Variants in TENM1 observed in about 807,000 individuals in gnomAD.
TENM1 encodes teneurin-1.
In TENM1, 35 loss-of-function variants were observed where a neutral mutation model predicts 174.8. The ratio of observed to expected loss-of-function variants is 0.20; its 90% CI spans 0.15 to 0.27. The LOEUF is 0.27. Ranked by LOEUF, TENM1 falls within the 10% of genes least tolerant of loss-of-function variation. TENM1 has a pLI of 1.00. For synonymous variants in TENM1, 781 were observed against 798.7 expected (o/e 0.98, Z 0.37); for missense variants, 1,633 against 2,130.1 (o/e 0.77, Z 4.59).
intron 18 of TENM1, among the ~76,000 whole-genome samples, chrX:124,511,316 T>C (rs1365125127): frequency 1.8e-5 from 2 of 112,113 alleles, no homozygotes; most frequent in African/African-American, 6.5e-5. Context: ...GCCTATGAAG[T>C]TGAATGGATA....
At position 124,817,475 on chromosome X, in the gene TENM1, A is replaced by G. The variant is rs150598595; in HGVS notation, c.535+76821T>C. On this transcript the variant is annotated intron_variant, in intron 3 of 31. Transcript: ENST00000422452. ...TATTTTTAAGTTGCCTTCAGACCCT[A>G]TATCCTGGGATTCTCACAGTAGTGG... Among the ~76,000 whole-genome samples, 112 of 112,037 alleles carry G rather than the reference A, an allele frequency of 1.0e-3. 1 individual carries two copies. Among genetic ancestry groups the G allele is most frequent in the African/African-American group, 3.5e-3 (107 of 30,904 alleles).
At chrX:124,535,338 A>G (rs1329743896) in intron 15 of TENM1, among the ~76,000 whole-genome samples, 1 of 111,559 alleles carries the variant, frequency 9.0e-6, no homozygotes, top group Non-Finnish European at 1.9e-5. Context: ...AACCATAAAA[A>G]GGCAGGCAAA....
intron 3 of TENM1, among the ~76,000 whole-genome samples, chrX:124,748,109 G>A (rs1170988054): frequency 9.0e-6 from 1 of 110,901 alleles, no homozygotes; most frequent in Non-Finnish European, 1.9e-5. Context: ...ATCAGCATTT[G>A]GAAACTGCTT....
At chrX:124,694,773 C>T (rs1201083971) in intron 5 of TENM1, among the ~76,000 whole-genome samples, 2 of 111,547 alleles carry the variant, frequency 1.8e-5, no homozygotes, top group African/African-American at 3.3e-5. Context: ...TGGTTAGGGC[C>T]ATGATTTGTA....
chrX:124,888,123 T>G (rs2057418518), intron 3 of TENM1, among the ~76,000 whole-genome samples: 1 of 111,626 alleles, frequency 9.0e-6, no homozygotes, highest in South Asian at 3.8e-4. Context: ...CTCCAGCGGT[T>G]TCCTTGAATG....
chrX:125,076,343 C>T, the TENM1 span, among the ~76,000 whole-genome samples: 1 of 94,542 alleles, frequency 1.1e-5, no homozygotes, highest in Admixed American at 1.2e-4. Flanking sequence ...GTATTGTCTT[C>T]CCAAACTGAT....
chrX:124,842,537 CG>C (rs2056523329), intron 3 of TENM1, among the ~76,000 whole-genome samples: 1 of 111,274 alleles, frequency 9.0e-6, no homozygotes, highest in African/African-American at 3.3e-5. Flanking sequence ...ACTTTCTCAC[CG>C]TTTTTGAGGC....
intron 18 of TENM1, among the ~76,000 whole-genome samples, chrX:124,510,775 T>TACACAC (rs755205162): frequency 1.4e-4 from 14 of 103,539 alleles, no homozygotes; most frequent in African/African-American, 5.0e-4. Flanking sequence ...CATGGGGAGA[T>TACACAC]ACACACACAC....
chrX:124,603,055 T>C (rs185706572), intron 11 of TENM1, among the ~76,000 whole-genome samples: 2 of 108,589 alleles, frequency 1.8e-5, no homozygotes, highest in Admixed American at 9.9e-5. Context: ...ACTGGAGTTA[T>C]GTAGTCACAC....
At chrX:124,745,093 C>T (rs1344303413) in intron 3 of TENM1, among the ~76,000 whole-genome samples, 2 of 111,894 alleles carry the variant, frequency 1.8e-5, no homozygotes, top group African/African-American at 6.5e-5. Flanking sequence ...AGGGAAGCCT[C>T]GGAAAGGTTT....
At chrX:124,866,039 T>C (rs2056998655) in intron 3 of TENM1, among the ~76,000 whole-genome samples, 1 of 111,448 alleles carries the variant, frequency 9.0e-6, no homozygotes, top group South Asian at 3.8e-4. Context: ...AAGAGAGAGA[T>C]AGGCCCCAAT....
chrX:124,412,177 T>C (rs1429704807), intron 25 of TENM1: 2 of 112,761 alleles, frequency 1.8e-5, no homozygotes, highest in East Asian at 5.6e-4. Flanking sequence ...TACCAGACAG[T>C]TAAGTAATGA....
chrX:124,567,115 T>C (rs1234567122), intron 11 of TENM1, among the ~76,000 whole-genome samples: 2 of 111,354 alleles, frequency 1.8e-5, no homozygotes, highest in Non-Finnish European at 3.8e-5. Context: ...AAGGGAAAAA[T>C]AAGGGTGGAA....
At chrX:125,050,736 C>A in the TENM1 span, among the ~76,000 whole-genome samples, 2 of 111,429 alleles carry the variant, frequency 1.8e-5, no homozygotes, top group Non-Finnish European at 3.8e-5. Flanking sequence ...GGAATCACCA[C>A]AGTGACTTCC....
intron 27 of TENM1, among the ~76,000 whole-genome samples, chrX:124,396,313 T>TTC (rs1188583766): frequency 3.0e-4 from 29 of 97,165 alleles, no homozygotes; most frequent in African/African-American, 1.1e-3. Flanking sequence ...CCTTTTTTTT[T>TTC]TTTTTCGAGC....
chrX:124,451,325 A>C (rs1049655089), intron 23 of TENM1, among the ~76,000 whole-genome samples: 2 of 111,612 alleles, frequency 1.8e-5, no homozygotes, highest in African/African-American at 6.5e-5. Context: ...TAACAGTAAA[A>C]TAGATCTCAG....
At chrX:124,477,322 A>C (rs1445282442) in intron 22 of TENM1, among the ~76,000 whole-genome samples, 1 of 112,499 alleles carries the variant, frequency 8.9e-6, no homozygotes, top group Non-Finnish European at 1.9e-5. Context: ...GGTCAGAAAA[A>C]TCTGAGAAAT....
chrX:125,187,266 A>G, the TENM1 span, among the ~76,000 whole-genome samples: 2 of 112,407 alleles, frequency 1.8e-5, no homozygotes, highest in East Asian at 5.6e-4. Context: ...TCTCAAAAAC[A>G]AAAGAGAAAA....
intron 11 of TENM1, among the ~76,000 whole-genome samples, chrX:124,630,569 G>A (rs768398824): frequency 8.9e-6 from 1 of 112,032 alleles, no homozygotes; most frequent in South Asian, 3.8e-4. Context: ...GTTTGCAGAT[G>A]TGTAAATTGA....
Sources: gnomAD v4.1 joint callset for allele counts (sites outside exome capture counted in the v4.1 genomes callset) on GRCh38, gnomAD v4.1.1 for gene constraint, MANE v1.5 for transcripts, NCBI Gene and HGNC (gene_info 2026-07-23, HGNC 2026-07-21) for gene names.